LRP2: variants seen among roughly 807,000 people sequenced by gnomAD.
The protein encoded by LRP2 is low-density lipoprotein receptor-related protein 2.
LRP2 carries 172 observed loss-of-function variants against 531.0 expected under a neutral mutation model. That is an observed-to-expected ratio of 0.32 (90% CI 0.29 to 0.37). The LOEUF (loss-of-function observed/expected upper bound fraction) is 0.37, where lower values mean the gene tolerates loss of function less well. Ranked by LOEUF, LRP2 falls within the 10% of genes least tolerant of loss-of-function variation. The pLI, the probability that LRP2 is intolerant of heterozygous loss-of-function variation, is 1.00. For missense variants in LRP2, 5,167 were observed against 5,868.3 expected (o/e 0.88, Z 3.90); for synonymous variants, 1,992 against 2,027.6 (o/e 0.98, Z 0.47).
intron 37 of LRP2, among the ~76,000 whole-genome samples, chr2:169,210,670 A>G (rs1382494300): frequency 6.6e-6 from 1 of 152,232 alleles, no homozygotes; most frequent in Non-Finnish European, 1.5e-5. Context: ...GAAGAAACTA[A>G]TGAGATATTC....
At chr2:169,130,900 C>T (rs918904757) in intron 77 of LRP2, among the ~76,000 whole-genome samples, 1 of 152,138 alleles carries the variant, frequency 6.6e-6, no homozygotes, top group Non-Finnish European at 1.5e-5. Flanking sequence ...AAGAGACTGT[C>T]AGTTTACATT....
Position 169,128,658 on chromosome 2 carries a change from T to C in LRP2, c.*5A>G. 1.2e-6 allele frequency: 2 copies of C among 1,612,074 alleles called. No individual in the cohort carries two copies. The highest frequency in any genetic ancestry group is 1.7e-5 in the Admixed American group (1 of 60,012). On this transcript the variant is annotated 3_prime_UTR_variant, in exon 79 of 79. Transcript: ENST00000649046. ...TTCTAATTATTCCCTAAATAGCTGG[T>C]ATAGCTATACTTCAGAGTCTTCTTT... is the stretch of plus-strand genomic sequence containing the variant.
In LRP2 at chr2:169,307,270, A is replaced by T. The variant is rs2105492212; in HGVS notation, c.427+11T>A. ...AAACCAAATACAGTGCAAGGACTAAAACAGACTCACGGCAGTCATTCTCAT... is the reference window on the plus strand; with the variant it reads ...AAACCAAATACAGTGCAAGGACTAATACAGACTCACGGCAGTCATTCTCAT... On this transcript the variant is annotated intron_variant, in intron 4 of 78. Transcript: ENST00000649046. 5 of 1,587,906 alleles carry T rather than the reference A, an allele frequency of 3.1e-6. No individual in the cohort carries two copies. The highest frequency in any genetic ancestry group is 3.5e-6 in the Non-Finnish European group (4 of 1,156,022).
At chr2:169,361,332 CT>C (rs2105592556) in intron 1 of LRP2, among the ~76,000 whole-genome samples, 1 of 59,734 alleles carries the variant, frequency 1.7e-5, no homozygotes, top group East Asian at 4.0e-4. Context: ...CTCTCTCTGT[CT>C]CTCTCTGTCT....
At chr2:169,349,761 C>A (rs1242032100) in intron 1 of LRP2, among the ~76,000 whole-genome samples, 3 of 152,184 alleles carry the variant, frequency 2.0e-5, no homozygotes, top group African/African-American at 7.2e-5. Flanking sequence ...CCAGAGCTTC[C>A]TCTGGGTTGA....
intron 71 of LRP2, among the ~76,000 whole-genome samples, chr2:169,140,953 A>G (rs1387431581): frequency 6.6e-6 from 1 of 152,144 alleles, no homozygotes; most frequent in Non-Finnish European, 1.5e-5. Flanking sequence ...AAAGACACCA[A>G]AGCATCAGTA....
At position 169,127,278 on chromosome 2, in the gene LRP2, C is replaced by T. The variant is rs986822364; in HGVS notation, c.*1385G>A. 1 of 152,470 alleles carries T rather than the reference C, an allele frequency of 6.6e-6. No homozygotes were observed. Among genetic ancestry groups the T allele is most frequent in the South Asian group, 2.1e-4 (1 of 4,830 alleles). The allele number at this position is 152,470 out of a possible 1,614,324, so 9.4% of individuals were successfully genotyped here. A position where few individuals can be genotyped will look rare whatever the true frequency, so the allele number is the denominator to read the frequency against. On this transcript the variant is annotated 3_prime_UTR_variant, in exon 79 of 79. Coordinates refer to ENST00000649046, the MANE Select transcript of LRP2 (RefSeq NM_004525.3). ...TTCATTCATTCATCCATCCATCCATCCATCCATTCATTCATTGTTTAACAA... is the reference window on the plus strand; with the variant it reads ...TTCATTCATTCATCCATCCATCCATTCATCCATTCATTCATTGTTTAACAA...
At chr2:169,325,079 G>T (rs1269741918) in intron 1 of LRP2, among the ~76,000 whole-genome samples, 1 of 145,436 alleles carries the variant, frequency 6.9e-6, no homozygotes, top group Non-Finnish European at 1.5e-5. Flanking sequence ...AAAAAAGAAA[G>T]AAAAAAACAT....
chr2:169,153,551 G>A (rs1686221241), intron 66 of LRP2, among the ~76,000 whole-genome samples: 1 of 152,098 alleles, frequency 6.6e-6, no homozygotes, highest in Admixed American at 6.5e-5. Flanking sequence ...ATCCTACATT[G>A]GTATAGTTAT....
chr2:169,280,311 T>G, intron 11 of LRP2, 39 bp downstream of exon 11: 1 of 1,611,556 alleles, frequency 6.2e-7, no homozygotes, highest in Non-Finnish European at 8.5e-7. Context: ...CAACACTTTG[T>G]GCTCAGGGTT....
intron 35 of LRP2, among the ~76,000 whole-genome samples, chr2:169,215,996 G>A (rs1688773877): frequency 6.6e-6 from 1 of 151,768 alleles, no homozygotes; most frequent in African/African-American, 2.4e-5. Flanking sequence ...AATTTATCTT[G>A]AAGAAAAAAA....
In LRP2 at chr2:169,254,551, C is replaced by T. The variant is rs1446294424; in HGVS notation, c.2770+1555G>A. On this transcript the variant is annotated intron_variant, in intron 19 of 78. Coordinates refer to ENST00000649046, the MANE Select transcript of LRP2 (RefSeq NM_004525.3). ...GAGATATACCTAATGCTAGATGACA[C>T]ATTAGTGGGTGCAGCGCACCAGCAT... Among the ~76,000 whole-genome samples the T allele has an allele frequency of 1.1e-4, 8 of 75,582 alleles. 1 individual carries two copies. Among genetic ancestry groups the T allele is most frequent in the Non-Finnish European group, 2.0e-4 (8 of 40,144 alleles). The allele number at this position is 75,582 out of a possible 152,430, so 49.6% of individuals were successfully genotyped here. A position where few individuals can be genotyped will look rare whatever the true frequency, so the allele number is the denominator to read the frequency against.
intron 3 of LRP2, among the ~76,000 whole-genome samples, chr2:169,312,861 G>T (rs572885814): frequency 1.3e-3 from 196 of 152,162 alleles, no homozygotes; most frequent in African/African-American, 4.4e-3. Flanking sequence ...AGATTTGGTC[G>T]TTTCACATAG....
chr2:169,278,064 C>A, intron 12 of LRP2, 113 bp from the exon 13 acceptor site: 1 of 835,592 alleles, frequency 1.2e-6, no homozygotes, highest in Non-Finnish European at 2.0e-6. Context: ...GATTAGAGAA[C>A]CACAGTATAA....
At chr2:169,228,659 G>C (rs1029331344) in intron 31 of LRP2, among the ~76,000 whole-genome samples, 7 of 152,142 alleles carry the variant, frequency 4.6e-5, no homozygotes, top group Admixed American at 2.6e-4. Flanking sequence ...GCTTCCTGGG[G>C]ATCATGTCTC....
At chr2:169,150,533 T>A (rs1351272322) in intron 68 of LRP2, among the ~76,000 whole-genome samples, 1 of 152,192 alleles carries the variant, frequency 6.6e-6, no homozygotes, top group Non-Finnish European at 1.5e-5. Context: ...AATCCCTAGC[T>A]GGATTTCAAT....
chr2:169,216,455 T>C lies in LRP2; in HGVS notation c.5649-25A>G, dbSNP rs374009035. 3.1e-6 allele frequency: 5 copies of C among 1,611,842 alleles called. No individual in the cohort carries two copies. The African/African-American group carries it at 5.3e-5, about 17-fold the overall frequency. On this transcript the variant is annotated intron_variant, in intron 34 of 78. Coordinates refer to ENST00000649046, the MANE Select transcript of LRP2 (RefSeq NM_004525.3). ...CCTACAACCATGAAAAACACCAGCA[T>C]GTAACAAAACAGAAGGTGGATTTGA...
chr2:169,180,587 A>C (rs1687391381), intron 52 of LRP2, among the ~76,000 whole-genome samples: 1 of 152,234 alleles, frequency 6.6e-6, no homozygotes, highest in Admixed American at 6.5e-5. Context: ...GCATGTCCCC[A>C]GGGAGCATGG....
chr2:169,170,083 A>G (rs991933585), intron 59 of LRP2, among the ~76,000 whole-genome samples: 3 of 152,160 alleles, frequency 2.0e-5, no homozygotes, highest in African/African-American at 7.2e-5. Flanking sequence ...GGAATTCCCC[A>G]ATCTTCAATG....
Sources: gnomAD v4.1 joint callset for allele counts (sites outside exome capture counted in the v4.1 genomes callset) on GRCh38, gnomAD v4.1.1 for gene constraint, MANE v1.5 for transcripts, NCBI Gene and HGNC (gene_info 2026-07-23, HGNC 2026-07-21) for gene names.